Variants in ART3 observed in about 807,000 individuals in gnomAD.
ART3 encodes the protein ecto-ADP-ribosyltransferase 3.
Under a neutral mutation model 48.5 loss-of-function variants are expected in ART3, and 49 were observed. The ratio of observed to expected loss-of-function variants is 1.01; its 90% CI spans 0.80 to 1.28. The LOEUF (loss-of-function observed/expected upper bound fraction) is 1.28. Among genes scored for constraint, ART3 ranks in the 50% most tolerant of loss-of-function variants. The probability of loss-of-function intolerance (pLI) is 0.00; values close to 1 mark genes in which losing one functional copy is unlikely to be tolerated. For synonymous variants in ART3, 145 were observed against 157.2 expected (o/e 0.92, Z 0.58); for missense variants, 438 against 454.3 (o/e 0.96, Z 0.33).
At chr4:76,044,006 G>A (rs933248236) in intron 1 of ART3, among the ~76,000 whole-genome samples, 5 of 151,918 alleles carry the variant, frequency 3.3e-5, no homozygotes, top group East Asian at 1.9e-4. Context: ...CCAGCGGGTT[G>A]GTCCAGGGGT....
At chr4:76,042,456 G>T (rs1433840389) in intron 1 of ART3, among the ~76,000 whole-genome samples, 1 of 152,188 alleles carries the variant, frequency 6.6e-6, no homozygotes, top group African/African-American at 2.4e-5. Flanking sequence ...GGAAGAGGTT[G>T]CCAGGCATGT....
intron 3 of ART3, among the ~76,000 whole-genome samples, chr4:76,094,238 T>C (rs530107190): frequency 3.4e-4 from 52 of 152,336 alleles, no homozygotes; most frequent in African/African-American, 1.2e-3. Context: ...GTGTGGCAGC[T>C]GGAGGTAAGA....
At chr4:76,034,920 C>G (rs1421111156) in intron 1 of ART3, 11 of 1,341,266 alleles carry the variant, frequency 8.2e-6, no homozygotes, top group Admixed American at 5.6e-5. Flanking sequence ...AACCAAGGAC[C>G]CCTTAACAGA....
At chr4:76,050,716 T>C (rs1383559005) in intron 1 of ART3, among the ~76,000 whole-genome samples, 70 of 152,058 alleles carry the variant, frequency 4.6e-4, no homozygotes, top group African/African-American at 1.5e-3. Flanking sequence ...GGGTGGCACT[T>C]GTCGCGGAGG....
upstream of ART3, among the ~76,000 whole-genome samples, chr4:76,073,258 C>G (rs980627771): frequency 6.6e-6 from 1 of 152,152 alleles, no homozygotes; most frequent in Non-Finnish European, 1.5e-5. Context: ...GGAATGGAGG[C>G]CAGCGACAGG....
chr4:76,112,033 A>C (rs62318925), intron 11 of ART3: 25,294 of 181,850 alleles, frequency 0.14, 2,142 homozygotes, highest in East Asian at 0.37. Context: ...ACAGTATATA[A>C]TACATATAAC....
At chr4:76,105,936 T>C (rs1019640701) in intron 10 of ART3, 4 of 985,150 alleles carry the variant, frequency 4.1e-6, no homozygotes, top group Middle Eastern at 5.2e-4. Context: ...AGCCATTCTG[T>C]GTGCTCCTCA....
intron 11 of ART3, among the ~76,000 whole-genome samples, chr4:76,111,311 C>T (rs189413885): frequency 2.6e-5 from 4 of 152,060 alleles, no homozygotes; most frequent in East Asian, 1.9e-4. Flanking sequence ...CTAGTGAGGC[C>T]GGAAGTCTCA....
At position 76,107,734 on chromosome 4, in the gene ART3, C is replaced by T. The variant is rs377003144; in HGVS notation, c.1004-27C>T. 6 of 1,361,590 alleles carry T rather than the reference C, an allele frequency of 4.4e-6. No individual in the cohort carries two copies. The African/African-American group carries it at 9.1e-5, about 21-fold the overall frequency. 84.3% of individuals were successfully genotyped at this position (1,361,590 alleles called of 1,614,324 possible). ...CTGGATAAACAGATATACAATATAA[C>T]TAACTCAAAATCTCTTTATATTTTA... On this transcript the variant is annotated intron_variant, in intron 10 of 11. Coordinates refer to ENST00000355810, the MANE Select transcript of ART3 (RefSeq NM_001130016.3).
chr4:76,044,957 G>A (rs1169245960), intron 1 of ART3, among the ~76,000 whole-genome samples: 1 of 152,008 alleles, frequency 6.6e-6, no homozygotes, highest in Non-Finnish European at 1.5e-5. Flanking sequence ...TTTCCATATT[G>A]CAGCATGGGC....
upstream of ART3, among the ~76,000 whole-genome samples, chr4:76,074,288 C>A (rs188548952): frequency 1.9e-3 from 285 of 152,194 alleles, 1 homozygote; most frequent in Non-Finnish European, 3.5e-3. Flanking sequence ...GTTTTACTTG[C>A]TTATGTATCC....
chr4:76,055,360 T>C (rs368259795), intron 1 of ART3, among the ~76,000 whole-genome samples: 10 of 152,214 alleles, frequency 6.6e-5, no homozygotes, highest in African/African-American at 2.4e-4. Flanking sequence ...ATGTACATAG[T>C]GTCTCACTAG....
At chr4:76,023,059 T>A (rs1483194539) in intron 1 of ART3, among the ~76,000 whole-genome samples, 1 of 152,226 alleles carries the variant, frequency 6.6e-6, no homozygotes, top group Non-Finnish European at 1.5e-5. Context: ...ATGTGGTTCA[T>A]TGAGCTTAGT....
At chr4:76,112,280 ACT>A in intron 11 of ART3, 104 bp from the exon 12 acceptor site, 1 of 1,365,696 alleles carries the variant, frequency 7.3e-7, no homozygotes, top group Non-Finnish European at 9.8e-7. Flanking sequence ...GTAAGTTTCT[ACT>A]TCAACTTTAG....
intron 2 of ART3, among the ~76,000 whole-genome samples, chr4:76,078,925 AG>A (rs1721762958): frequency 6.6e-6 from 1 of 152,050 alleles, no homozygotes; most frequent in South Asian, 2.1e-4. Context: ...CTAAAAATAC[AG>A]AAAAATTAGC....
intron 1 of ART3, among the ~76,000 whole-genome samples, chr4:76,015,950 G>A (rs948195866): frequency 6.6e-6 from 1 of 152,152 alleles, no homozygotes; most frequent in African/African-American, 2.4e-5. Flanking sequence ...CCTGGCCTAG[G>A]TTTGTTAGTA....
chr4:76,078,852 A>G (rs1392414474), intron 2 of ART3, among the ~76,000 whole-genome samples: 2 of 152,124 alleles, frequency 1.3e-5, no homozygotes, highest in Non-Finnish European at 2.9e-5. Flanking sequence ...AGGCCGAGAA[A>G]GGCAGATCAC....
intron 1 of ART3, among the ~76,000 whole-genome samples, chr4:76,011,644 A>C (rs985704822): frequency 6.6e-6 from 1 of 152,190 alleles, no homozygotes; most frequent in African/African-American, 2.4e-5. Flanking sequence ...TTTGTTACCC[A>C]AAAAGGGGCT....
At chr4:76,067,567 A>G (rs931217125) in intron 1 of ART3, among the ~76,000 whole-genome samples, 2 of 152,138 alleles carry the variant, frequency 1.3e-5, no homozygotes, top group Non-Finnish European at 2.9e-5. Flanking sequence ...ACAAACTACA[A>G]TTTTTCCCAG....
Sources: gnomAD v4.1 joint callset for allele counts (sites outside exome capture counted in the v4.1 genomes callset) on GRCh38, gnomAD v4.1.1 for gene constraint, MANE v1.5 for transcripts, NCBI Gene and HGNC (gene_info 2026-07-23, HGNC 2026-07-21) for gene names.